ACVR2B: variants seen among roughly 807,000 people sequenced by gnomAD.
The protein encoded by ACVR2B is activin receptor type-2B.
ACVR2B carries 18 observed loss-of-function variants against 65.1 expected under a neutral mutation model. That is an observed-to-expected ratio of 0.28 (90% confidence interval 0.19 to 0.41). The LOEUF is 0.41. Among genes scored for constraint, ACVR2B ranks in the 10% least tolerant of loss-of-function variants. ACVR2B has a pLI of 1.00. For missense variants in ACVR2B, 482 were observed against 682.7 expected, an observed-to-expected ratio of 0.71 and a Z score of 3.28; for synonymous variants, 298 against 277.7, an observed-to-expected ratio of 1.07 and a Z score of -0.73.
At chr3:38,470,954 A>G (rs370241346) in intron 1 of ACVR2B, among the ~76,000 whole-genome samples, 14 of 152,350 alleles carry the variant, frequency 9.2e-5, no homozygotes, top group East Asian at 3.9e-4. Context: ...ATATAAACAT[A>G]CCCAGAAATC....
Position 38,477,783 on chromosome 3 carries a change from G to A in ACVR2B, c.261-78G>A. The A allele has an allele frequency of 7.1e-7, 1 of 1,416,554 alleles. No homozygotes were observed. The highest frequency in any genetic ancestry group is 1.1e-5 in the South Asian group (1 of 87,100). The allele number at this position is 1,416,554 out of a possible 1,614,324, so 87.7% of individuals were successfully genotyped here. ...TGCCCATGAGGTGCTCTGTCTGTGA[G>A]GAGGGGTTGGCAGGGCAGGCCTGGG... On this transcript the variant is annotated intron_variant, in intron 2 of 10. Coordinates refer to ENST00000352511, the MANE Select transcript of ACVR2B (RefSeq NM_001106.4). This position sits in a 1 kb window ranked among gnomAD's most constrained non-coding sequence, Gnocchi z 6.7.
At chr3:38,482,084 C>G in intron 8 of ACVR2B, 114 bp from the exon 9 acceptor site, 1 of 1,389,762 alleles carries the variant, frequency 7.2e-7, no homozygotes, top group Non-Finnish European at 1.0e-6. Flanking sequence ...GATAACCTGT[C>G]TGAATTGCTC....
chr3:38,459,781 G>C, intron 1 of ACVR2B: 1 of 599,646 alleles, frequency 1.7e-6, no homozygotes, highest in Non-Finnish European at 2.1e-6. Context: ...GGGGAGGTGT[G>C]GGCAGCGCTG....
At chr3:38,462,210 T>TAAAC (rs374122938) in intron 1 of ACVR2B, among the ~76,000 whole-genome samples, 1,982 of 151,818 alleles carry the variant, frequency 0.013, 15 homozygotes, top group African/African-American at 0.018. Context: ...AATAAATAAA[T>TAAAC]AAACAAACAA....
At chr3:38,456,291 G>T (rs182784392) in intron 1 of ACVR2B, among the ~76,000 whole-genome samples, 2 of 152,326 alleles carry the variant, frequency 1.3e-5, no homozygotes, top group African/African-American at 4.8e-5. Flanking sequence ...CCAGTTTGGA[G>T]CAGACCTGAC....
chr3:38,483,191 G>A lies in ACVR2B; in HGVS notation c.1398G>A (p.Glu466=), dbSNP rs757508820. The stretch of plus-strand genomic sequence containing the variant: ...AGGAGTGCTGGGACCATGATGCAGA[G>A]GCTCGCTTGTCCGCGGGCTGTGTGG... The part of the protein sequence containing the change: ...TIEECWDHDA[E]ARLSAGCVEE... The change falls in exon 11 of 11, where the codon GAG becomes GAA. Residue 466 remains glutamate, a synonymous_variant. Transcript: ENST00000352511. The surrounding 1 kb of genome is among the most constrained non-coding windows in gnomAD (Gnocchi z 4.8). 3 of 1,614,190 alleles carry A rather than the reference G, an allele frequency of 1.9e-6. No homozygotes were observed. Among genetic ancestry groups the A allele is most frequent in the Non-Finnish European group, 1.7e-6 (2 of 1,180,040 alleles).
chr3:38,486,171 G>T lies in ACVR2B; in HGVS notation c.*2839G>T. ...CCCCGTTAGGCCCACCGTACGCTCAGCCACTATAGTGTCCCTGTGGGGCCT... is the reference window on the plus strand; with the variant it reads ...CCCCGTTAGGCCCACCGTACGCTCATCCACTATAGTGTCCCTGTGGGGCCT... On this transcript the variant is annotated 3_prime_UTR_variant, in exon 11 of 11. Transcript: ENST00000352511. The T allele has an allele frequency of 6.6e-6, 1 of 152,440 alleles. No homozygotes were observed. The highest frequency in any genetic ancestry group is 1.5e-5 in the Non-Finnish European group (1 of 68,110). The allele number at this position is 152,440 out of a possible 1,614,324, so 9.4% of individuals were successfully genotyped here.
In ACVR2B at chr3:38,481,502, C is replaced by T; in HGVS notation, c.1074+37C>T. The T allele has an allele frequency of 6.4e-7, 1 of 1,561,202 alleles. No homozygotes were observed. The highest frequency in any genetic ancestry group is 8.8e-7 in the Non-Finnish European group (1 of 1,132,140). ...CACAGGGCAGGAAGAGAGGGACAGA[C>T]CCAGGGTAGATACTTTGCCCTTTTT... On this transcript the variant is annotated intron_variant, in intron 8 of 10. Coordinates refer to ENST00000352511, the MANE Select transcript of ACVR2B (RefSeq NM_001106.4). The surrounding 1 kb of genome is among the most constrained non-coding windows in gnomAD (Gnocchi z 4.7).
chr3:38,470,443 A>G (rs577206997), intron 1 of ACVR2B, among the ~76,000 whole-genome samples: 1 of 152,328 alleles, frequency 6.6e-6, no homozygotes, highest in South Asian at 2.1e-4. Context: ...AACAATCTAA[A>G]ATTTTATGTT....
At chr3:38,459,370 C>G (rs1709602342) in intron 1 of ACVR2B, among the ~76,000 whole-genome samples, 1 of 152,174 alleles carries the variant, frequency 6.6e-6, no homozygotes, top group Non-Finnish European at 1.5e-5. Context: ...GCCTGCCTGC[C>G]CGCACCCGCC....
Position 38,477,237 on chromosome 3 carries a change from G to T in ACVR2B, c.53-50G>T, listed in dbSNP as rs754445102. The T allele has an allele frequency of 1.9e-6, 3 of 1,606,040 alleles. No homozygotes were observed. The highest frequency in any genetic ancestry group is 2.6e-6 in the Non-Finnish European group (3 of 1,175,036). On this transcript the variant is annotated intron_variant, in intron 1 of 10. Coordinates refer to ENST00000352511, the MANE Select transcript of ACVR2B (RefSeq NM_001106.4). This position sits in a 1 kb window ranked among gnomAD's most constrained non-coding sequence, Gnocchi z 6.7. ...CCCAGGACTGGGAGTAGGGGTTTGG[G>T]TGGTGGTCCCAGGGGCATGCTCAGT...
At chr3:38,463,532 A>G (rs1458576941) in intron 1 of ACVR2B, among the ~76,000 whole-genome samples, 1 of 152,182 alleles carries the variant, frequency 6.6e-6, no homozygotes, top group African/African-American at 2.4e-5. Flanking sequence ...GACTTAGGGA[A>G]GATAGTTTGG....
intron 10 of ACVR2B, among the ~76,000 whole-genome samples, chr3:38,482,844 A>G (rs536835838): frequency 7.2e-4 from 110 of 152,258 alleles, no homozygotes; most frequent in African/African-American, 2.5e-3. Flanking sequence ...AGTGGTGTCT[A>G]TCCTAGTAGG....
chr3:38,468,470 C>A (rs553136695), intron 1 of ACVR2B, among the ~76,000 whole-genome samples: 37 of 152,278 alleles, frequency 2.4e-4, no homozygotes, highest in African/African-American at 8.9e-4. Flanking sequence ...GCCTGCTCCT[C>A]TTTGTCGAAG....
At chr3:38,468,285 G>A (rs1040490858) in intron 1 of ACVR2B, among the ~76,000 whole-genome samples, 1 of 152,196 alleles carries the variant, frequency 6.6e-6, no homozygotes, top group Non-Finnish European at 1.5e-5. Context: ...TGATTGGGCT[G>A]TTTTGGGAAT....
intron 1 of ACVR2B, among the ~76,000 whole-genome samples, chr3:38,470,207 T>C (rs1709796501): frequency 6.6e-6 from 1 of 152,062 alleles, no homozygotes; most frequent in Admixed American, 6.6e-5. Flanking sequence ...TTGTCAGAAT[T>C]GACAAAAAAC....
chr3:38,459,539 C>G, intron 1 of ACVR2B: 1 of 975,020 alleles, frequency 1.0e-6, no homozygotes, highest in Non-Finnish European at 1.2e-6. Flanking sequence ...GCCCTGTCTG[C>G]CAAGCGGAGC....
intron 1 of ACVR2B, among the ~76,000 whole-genome samples, chr3:38,465,648 GATA>G (rs1362103239): frequency 6.6e-6 from 1 of 152,134 alleles, no homozygotes; most frequent in Non-Finnish European, 1.5e-5. Context: ...CAGAAAGATG[GATA>G]ATAACAGAAT....
intron 1 of ACVR2B, chr3:38,459,634 G>T (rs1709608057): frequency 1.0e-6 from 1 of 985,310 alleles, no homozygotes; most frequent in Non-Finnish European, 1.2e-6. Context: ...AGAGGCTGTG[G>T]GCCTGGAGCC....
Sources: gnomAD v4.1 joint callset for allele counts (sites outside exome capture counted in the v4.1 genomes callset) on GRCh38, gnomAD v4.1.1 for gene constraint, Gnocchi (gnomAD v3.1) non-coding constraint, MANE v1.5 for transcripts, NCBI Gene and HGNC (gene_info 2026-07-23, HGNC 2026-07-21) for gene names.